LPIN2: variants seen among roughly 807,000 people sequenced by gnomAD.
LPIN2 encodes lipin 2, also known as phosphatidate phosphatase LPIN2.
Under a neutral mutation model 111.4 loss-of-function variants are expected in LPIN2, and 55 were observed. The ratio of observed to expected loss-of-function variants is 0.49; its 90% CI spans 0.40 to 0.62. The LOEUF is 0.62. LPIN2 is among the 20% of genes least tolerant of loss of function. The pLI is 0.00. For missense variants in LPIN2, 992 were observed against 1,112.1 expected (o/e 0.89, Z 1.54); for synonymous variants, 425 against 414.0 (o/e 1.03, Z -0.32).
At chr18:2,950,978 T>TA in intron 4 of LPIN2, 77 bp downstream of exon 4, 1 of 1,510,010 alleles carries the variant, frequency 6.6e-7, no homozygotes. Flanking sequence ...TGTGTATCCA[T>TA]AAAAAAACTG....
At chr18:2,978,350 C>T (rs774913944) in intron 1 of LPIN2, among the ~76,000 whole-genome samples, 5 of 152,074 alleles carry the variant, frequency 3.3e-5, no homozygotes, top group Admixed American at 6.6e-5. Context: ...ATCAAGTGAT[C>T]GGGAAAACTT....
intron 1 of LPIN2, among the ~76,000 whole-genome samples, chr18:3,012,331 T>A (rs900080292): frequency 6.6e-6 from 1 of 152,254 alleles, no homozygotes. Context: ...TTTGCATAAT[T>A]ATGCCTAAAA....
chr18:3,004,324 C>T (rs928671792), intron 1 of LPIN2, among the ~76,000 whole-genome samples: 6 of 152,108 alleles, frequency 3.9e-5, no homozygotes, highest in South Asian at 2.1e-4. Context: ...GTTTGGGGCT[C>T]GGGGTCATCA....
At chr18:2,958,173 A>AAAAAAAAAAAAAAAAAAAAAT (rs2077650874) in intron 2 of LPIN2, among the ~76,000 whole-genome samples, 1 of 126,256 alleles carries the variant, frequency 7.9e-6, no homozygotes, top group Non-Finnish European at 1.7e-5. Flanking sequence ...AAAAAAAAAA[A>AAAAAAAAAAAAAAAAAAAAAT]CAGAAAAAAG....
At chr18:2,960,564 G>A (rs1285145602) in intron 2 of LPIN2, 85 bp downstream of exon 2, 2 of 1,355,252 alleles carry the variant, frequency 1.5e-6, no homozygotes, top group Non-Finnish European at 2.1e-6. Flanking sequence ...TATTCATAGA[G>A]GATGACTTTT....
intron 3 of LPIN2, among the ~76,000 whole-genome samples, chr18:2,952,904 A>G (rs1404853264): frequency 2.0e-5 from 3 of 152,232 alleles, no homozygotes; most frequent in Non-Finnish European, 4.4e-5. Context: ...CTAGACTTGA[A>G]AAGAATGTTG....
chr18:2,937,581 G>T, intron 7 of LPIN2, 111 bp downstream of exon 7: 2 of 747,812 alleles, frequency 2.7e-6, no homozygotes, highest in South Asian at 1.6e-5. Flanking sequence ...AGTGCGACGG[G>T]TTTCGACTGG....
intron 2 of LPIN2, among the ~76,000 whole-genome samples, chr18:2,959,117 G>A (rs1031627916): frequency 6.6e-6 from 1 of 152,104 alleles, no homozygotes; most frequent in African/African-American, 2.4e-5. Context: ...ACACTGTTTT[G>A]CAATGGAAAG....
intron 3 of LPIN2, 80 bp downstream of exon 3, chr18:2,954,424 A>G (rs2077579735): frequency 1.1e-6 from 1 of 945,858 alleles, no homozygotes; most frequent in Admixed American, 1.7e-5. Flanking sequence ...ACCATAAAAA[A>G]CTGCTAAACG....
intron 1 of LPIN2, among the ~76,000 whole-genome samples, chr18:2,973,702 A>AT (rs2143312451): frequency 6.6e-6 from 1 of 152,360 alleles, no homozygotes; most frequent in East Asian, 1.9e-4. Flanking sequence ...ATATTTTCAG[A>AT]TTTTGGAATA....
In LPIN2 at chr18:2,960,693, C is replaced by T. The variant is rs1263361755; in HGVS notation, c.148G>A (p.Val50Ile). The change falls in exon 2 of 20, where the codon GTT (valine) becomes ATT (isoleucine). Residue 50 changes from valine to isoleucine, a missense_variant. By Grantham distance (29) the Val-to-Ile change is conservative. Transcript: ENST00000677752. ...DGSYQCSPFH[V>I]RFGKLGVLRS... is the part of the protein sequence containing the mutation. ...AGGACTCCCAGCTTTCCAAACCGAA[C>T]GTGAAAAGGTGAACACTGATAGCTG... The T allele has an allele frequency of 6.2e-6, 10 of 1,613,934 alleles. No individual in the cohort carries two copies. Among genetic ancestry groups the T allele is most frequent in the South Asian group, 4.4e-5 (4 of 91,078 alleles).
At chr18:2,942,404 C>G (rs2077378363) in intron 4 of LPIN2, among the ~76,000 whole-genome samples, 1 of 152,202 alleles carries the variant, frequency 6.6e-6, no homozygotes, top group Admixed American at 6.5e-5. Flanking sequence ...GACACATCAG[C>G]TTGACCCATC....
chr18:2,962,777 T>C (rs1236120406), intron 1 of LPIN2, among the ~76,000 whole-genome samples: 1 of 152,158 alleles, frequency 6.6e-6, no homozygotes, highest in Non-Finnish European at 1.5e-5. Flanking sequence ...TTGGTATTAC[T>C]GCTTGAATGG....
At chr18:2,929,237 A>G in intron 9 of LPIN2, 79 bp from the exon 10 acceptor site, 1 of 927,910 alleles carries the variant, frequency 1.1e-6, no homozygotes, top group South Asian at 1.4e-5. Flanking sequence ...TCTGCATTGC[A>G]GAAATTGAAG....
At chr18:2,965,845 G>A (rs953496686) in intron 1 of LPIN2, among the ~76,000 whole-genome samples, 1 of 151,450 alleles carries the variant, frequency 6.6e-6, no homozygotes. Flanking sequence ...AATAACTTTT[G>A]TTAAGGAAAA....
chr18:2,980,623 T>G (rs557965190), intron 1 of LPIN2, among the ~76,000 whole-genome samples: 2 of 152,356 alleles, frequency 1.3e-5, no homozygotes, highest in African/African-American at 4.8e-5. Context: ...CCATGTCCTT[T>G]GATAAATAGC....
chr18:2,945,349 T>A (rs920079027), intron 4 of LPIN2, among the ~76,000 whole-genome samples: 1 of 152,158 alleles, frequency 6.6e-6, no homozygotes, highest in Non-Finnish European at 1.5e-5. Flanking sequence ...AAACGAATAA[T>A]CAATCTTACA....
chr18:2,942,350 G>GA (rs748240044), intron 4 of LPIN2, among the ~76,000 whole-genome samples: 1 of 152,146 alleles, frequency 6.6e-6, no homozygotes, highest in Non-Finnish European at 1.5e-5. Context: ...CTGAGAAAGG[G>GA]AAAATCAGGT....
chr18:2,925,303 T>C lies in LPIN2; in HGVS notation c.1859A>G (p.Asp620Gly). 6.2e-7 allele frequency: 1 copy of C among 1,614,048 alleles called. No homozygotes were observed. The highest frequency in any genetic ancestry group is 8.5e-7 in the Non-Finnish European group (1 of 1,179,988). Residue 620 changes from aspartate (D) to glycine (G), a missense_variant, in exon 14 of 20, where the codon GAC becomes GGC. By Grantham distance (94) the Asp-to-Gly change is moderately conservative. This residue lies in a region of LPIN2 where 709 missense variants were observed against 753.2 expected (regional missense o/e 0.94). Coordinates refer to ENST00000677752, the MANE Select transcript of LPIN2 (RefSeq NM_001375808.2). This position sits in a 1 kb window ranked among gnomAD's most constrained non-coding sequence, Gnocchi z 4.1. ...GCTCAGGGGCTCTGTGGGGATGGGG[T>C]CCACTGTGATGGATTCTTCGAGCTC... is the stretch of plus-strand genomic sequence containing the variant. Reference protein sequence around the residue: ...SQELEESITVDPIPTEPLSHG... With the variant: ...SQELEESITVGPIPTEPLSHG...
Sources: gnomAD v4.1 joint callset for allele counts (sites outside exome capture counted in the v4.1 genomes callset) on GRCh38, gnomAD v4.1.1 for gene constraint, gnomAD v4.1.1 regional missense constraint, Gnocchi (gnomAD v3.1) non-coding constraint, MANE v1.5 for transcripts, NCBI Gene and HGNC (gene_info 2026-07-23, HGNC 2026-07-21) for gene names.